The following FCER2 variants were observed in gnomAD, a reference collection of about 807,000 sequenced individuals.
The protein encoded by FCER2 is low affinity immunoglobulin epsilon Fc receptor.
A neutral mutation model predicts 49.7 loss-of-function variants in FCER2; 38 were observed. The ratio of observed to expected loss-of-function variants is 0.76; its 90% CI spans 0.59 to 1.00. The LOEUF is 1.00. FCER2 is among the 50% of genes least tolerant of loss of function. The pLI is 0.00. For synonymous variants in FCER2, 163 were observed against 164.6 expected (o/e 0.99, Z 0.07); for missense variants, 425 against 419.5 (o/e 1.01, Z -0.11).
chr19:7,694,781 G>T (rs1055655693), intron 8 of FCER2, among the ~76,000 whole-genome samples: 2 of 152,090 alleles, frequency 1.3e-5, no homozygotes, highest in African/African-American at 4.8e-5. Context: ...TCAAGGGTGG[G>T]GGCATTAGCT....
chr19:7,701,980 T>C (rs2303112), intron 1 of FCER2, 35 bp downstream of exon 1: 2 of 150,830 alleles, frequency 1.3e-5, no homozygotes, highest in African/African-American at 4.9e-5. Flanking sequence ...GATCTCCACT[T>C]CCCATGGCCA....
intron 3 of FCER2, 136 bp from the exon 4 acceptor site, chr19:7,698,545 G>A (rs1230976184): frequency 1.1e-6 from 1 of 882,578 alleles, no homozygotes; most frequent in Non-Finnish European, 1.8e-6. Context: ...GGACAGGGAT[G>A]CTGGGTGTGG....
chr19:7,696,954 G>C, intron 7 of FCER2, 40 bp from the exon 8 acceptor site: 4 of 1,560,788 alleles, frequency 2.6e-6, no homozygotes, highest in Non-Finnish European at 3.5e-6. Context: ...GAGACCAACT[G>C]GCAGGCCCCC....
chr19:7,701,106 G>A (rs1014703860), intron 1 of FCER2, among the ~76,000 whole-genome samples: 1 of 152,312 alleles, frequency 6.6e-6, no homozygotes, highest in Middle Eastern at 3.4e-3. Flanking sequence ...CACTGCGCCC[G>A]ACCAAGTCCT....
intron 8 of FCER2, among the ~76,000 whole-genome samples, chr19:7,691,130 T>G (rs879294932): frequency 3.1e-3 from 215 of 70,464 alleles, no homozygotes; most frequent in South Asian, 6.7e-3. Flanking sequence ...TCCAATAATA[T>G]TTCAACCATC....
In FCER2 at chr19:7,699,426, G is replaced by A. The variant is rs1443427458; in HGVS notation, c.22+313C>T. 5 of 1,438,720 alleles carry A rather than the reference G, an allele frequency of 3.5e-6. No individual in the cohort carries two copies. The South Asian group carries it at 6.1e-5, about 17-fold the overall frequency. The allele number at this position is 1,438,720 out of a possible 1,614,324, so 89.1% of individuals were successfully genotyped here. On this transcript the variant is annotated intron_variant, in intron 2 of 10. Transcript: ENST00000597921. ...TAAATTCTGCTTGTTCCAAGTTCCTGTTCTATTTGGCCTCTGACTCTATTG... is the reference window on the plus strand; with the variant it reads ...TAAATTCTGCTTGTTCCAAGTTCCTATTCTATTTGGCCTCTGACTCTATTG...
At chr19:7,700,866 A>G (rs939194202) in intron 1 of FCER2, among the ~76,000 whole-genome samples, 1 of 150,764 alleles carries the variant, frequency 6.6e-6, no homozygotes, top group African/African-American at 2.4e-5. Context: ...GCTAGAGTGC[A>G]ATGGCACCAT....
intron 8 of FCER2, 134 bp downstream of exon 8, chr19:7,696,691 C>T (rs1353211409): frequency 1.5e-6 from 1 of 669,458 alleles, no homozygotes; most frequent in African/African-American, 1.8e-5. Context: ...TTTGTGTCCT[C>T]CCGATGACAC....
intron 8 of FCER2, among the ~76,000 whole-genome samples, chr19:7,694,635 C>G (rs1017431176): frequency 2.0e-5 from 3 of 152,124 alleles, no homozygotes; most frequent in Non-Finnish European, 4.4e-5. Context: ...AGGGACCACA[C>G]TGAGGTTTCT....
At chr19:7,699,378 C>T in intron 2 of FCER2, 1 of 1,352,330 alleles carries the variant, frequency 7.4e-7, no homozygotes. Context: ...TGCACTCACC[C>T]TGGCTTGGAG....
intron 2 of FCER2, 140 bp downstream of exon 2, chr19:7,699,599 C>T: frequency 1.7e-6 from 2 of 1,188,770 alleles, no homozygotes; most frequent in Admixed American, 1.9e-5. Flanking sequence ...GCCTCACCTC[C>T]TTACTCACAC....
rs1187717114 is a variant in FCER2 at position 7,690,147 on chromosome 19, C to A, written c.728+12G>T. ...CATCTCCTCCCCTGGATCCCAGAGG[C>A]CCCCTCCTCACCTGTAGTCCACGTG... On this transcript the variant is annotated intron_variant, in intron 10 of 10. Coordinates refer to ENST00000597921, the MANE Select transcript of FCER2 (RefSeq NM_001220500.2). The A allele has an allele frequency of 2.6e-6, 4 of 1,541,214 alleles. No homozygotes were observed. The highest frequency in any genetic ancestry group is 2.7e-5 in the African/African-American group (2 of 73,090).
chr19:7,699,659 G>C (rs562527082), intron 2 of FCER2, 80 bp downstream of exon 2: 10 of 1,395,800 alleles, frequency 7.2e-6, no homozygotes, highest in Non-Finnish European at 1.0e-5. Flanking sequence ...GGACTGGGGA[G>C]CCCCGCTTCT....
At chr19:7,698,129 G>A (rs1245308886) in intron 4 of FCER2, among the ~76,000 whole-genome samples, 6 of 152,210 alleles carry the variant, frequency 3.9e-5, no homozygotes, top group African/African-American at 1.2e-4. Context: ...AACGTACTTT[G>A]CGCTTATGGG....
In FCER2 at chr19:7,697,313, G is replaced by A. The variant is rs761596541; in HGVS notation, c.254-15C>T. 1.2e-6 allele frequency: 2 copies of A among 1,613,668 alleles called. No homozygotes were observed. The highest frequency in any genetic ancestry group is 2.2e-5 in the East Asian group (1 of 44,898). On this transcript the variant is annotated splice_polypyrimidine_tract_variant and intron_variant, in intron 5 of 10. Transcript: ENST00000597921. ...AATCTGCGTGGCTGTTTGCAGGGGA[G>A]GGGGCTTCATGGTAAGCAGGTCCTC...
chr19:7,698,275 A>G (rs1179621100), intron 4 of FCER2, 81 bp downstream of exon 4: 1 of 1,006,990 alleles, frequency 9.9e-7, no homozygotes, highest in Non-Finnish European at 1.5e-6. Context: ...GCGAGGGGAC[A>G]CTGAGGCCCA....
intron 1 of FCER2, among the ~76,000 whole-genome samples, chr19:7,701,776 CACCAAGCTCATCTCAG>C (rs1458627955): frequency 6.6e-6 from 1 of 151,968 alleles, no homozygotes; most frequent in Non-Finnish European, 1.5e-5. Flanking sequence ...CCAGCGCACT[CACCAAGCTCATCTCAG>C]ACCAGATGGC....
intron 8 of FCER2, among the ~76,000 whole-genome samples, chr19:7,693,180 C>G (rs139829128): frequency 2.9e-4 from 44 of 152,252 alleles, no homozygotes; most frequent in South Asian, 2.7e-3. Context: ...GATTACTTTC[C>G]CCAAGCACCA....
chr19:7,689,240 C>A lies in FCER2; in HGVS notation c.919G>T (p.Asp307Tyr). Reference protein sequence around the residue: ...AESMGPDSRPDPDGRLPTPSA... With the variant: ...AESMGPDSRPYPDGRLPTPSA... ...GGGGTGGGCAGGCGGCCGTCAGGGT[C>A]TGGTCTTGAATCAGGTCCCATGGAC... Residue 307 changes from aspartate (D) to tyrosine (Y), a missense_variant, in exon 11 of 11, where the codon GAC (aspartate) becomes TAC (tyrosine). By Grantham distance (160) the Asp-to-Tyr change is radical (BLOSUM62 -3). Transcript: ENST00000597921. The A allele has an allele frequency of 6.2e-7, 1 of 1,613,712 alleles. No individual in the cohort carries two copies. Among genetic ancestry groups the A allele is most frequent in the Non-Finnish European group, 8.5e-7 (1 of 1,179,808 alleles).
Sources: gnomAD v4.1 joint callset for allele counts (sites outside exome capture counted in the v4.1 genomes callset) on GRCh38, gnomAD v4.1.1 for gene constraint, MANE v1.5 for transcripts, NCBI Gene and HGNC (gene_info 2026-07-23, HGNC 2026-07-21) for gene names.